ATPAF2: variants seen among roughly 807,000 people sequenced by gnomAD.
The protein encoded by ATPAF2 is ATP12 homolog.
Under a neutral mutation model 36.6 loss-of-function variants are expected in ATPAF2, and 30 were observed. The ratio of observed to expected loss-of-function variants is 0.82; its 90% CI spans 0.61 to 1.11. ATPAF2 has a LOEUF of 1.11. Ranked by LOEUF, ATPAF2 falls within the 50% of genes most tolerant of loss-of-function variation. The pLI is 0.00. For missense variants in ATPAF2, 321 were observed against 372.3 expected (o/e 0.86, Z 1.13); for synonymous variants, 140 against 152.6 (o/e 0.92, Z 0.61).
intron 1 of ATPAF2, among the ~76,000 whole-genome samples, chr17:18,036,783 C>A (rs1220167215): frequency 2.0e-5 from 3 of 152,058 alleles, no homozygotes; most frequent in Admixed American, 6.5e-5. Flanking sequence ...TCTAAATTAA[C>A]CCTTTGTGGT....
intron 7 of ATPAF2, among the ~76,000 whole-genome samples, chr17:18,019,183 A>ACACACACACACACCCCAC (rs1396685458): frequency 4.6e-5 from 7 of 150,710 alleles, no homozygotes; most frequent in African/African-American, 1.5e-4. Context: ...ACACACACAC[A>ACACACACACACACCCCAC]CACCCCACCA....
intron 7 of ATPAF2, 113 bp downstream of exon 7, chr17:18,021,010 T>C (rs2145486615): frequency 6.8e-7 from 1 of 1,481,196 alleles, no homozygotes; most frequent in South Asian, 1.4e-5. Context: ...TGCGTGTACA[T>C]AAAAGTAATA....
chr17:18,024,540 G>A, intron 5 of ATPAF2, 84 bp downstream of exon 5: 2 of 1,187,312 alleles, frequency 1.7e-6, no homozygotes, highest in Admixed American at 3.5e-5. Context: ...AAGGGCACTA[G>A]TTTTCCAGCG....
chr17:18,028,380 T>C lies in ATPAF2; in HGVS notation c.179-3A>G. Reference sequence around the variant, plus strand: ...GTCCAGGTTTATCTCAAAGCCACCTTGAAAGATCAAATGAAAAACTCTCAG... The same window carrying C: ...GTCCAGGTTTATCTCAAAGCCACCTCGAAAGATCAAATGAAAAACTCTCAG... On this transcript the variant is annotated splice_polypyrimidine_tract_variant and splice_region_variant and intron_variant, in intron 2 of 7. Transcript: ENST00000474627. The C allele has an allele frequency of 6.2e-7, 1 of 1,613,900 alleles. No homozygotes were observed. The highest frequency in any genetic ancestry group is 8.5e-7 in the Non-Finnish European group (1 of 1,179,924).
chr17:18,030,513 GAA>G (rs747636000), intron 1 of ATPAF2, among the ~76,000 whole-genome samples: 50 of 77,566 alleles, frequency 6.4e-4, no homozygotes, highest in East Asian at 1.2e-3. Context: ...GTCTCTTGGG[GAA>G]AAAAAAAAAA....
intron 4 of ATPAF2, 187 bp downstream of exon 4, chr17:18,026,132 C>T: frequency 1.5e-6 from 1 of 671,484 alleles, no homozygotes. Context: ...CATGTTCTGA[C>T]ACCATTGTAG....
chr17:18,032,182 C>T (rs1159298911), intron 1 of ATPAF2, among the ~76,000 whole-genome samples: 1 of 152,188 alleles, frequency 6.6e-6, no homozygotes, highest in Non-Finnish European at 1.5e-5. Context: ...TACAAATGTA[C>T]AAGAGTGAGC....
At chr17:18,021,715 T>C (rs200680173) in intron 6 of ATPAF2, 30 bp downstream of exon 6, 12 of 1,599,436 alleles carry the variant, frequency 7.5e-6, no homozygotes, top group South Asian at 1.1e-5. Flanking sequence ...CACAGCCACC[T>C]GCCAAGCCCA....
rs1051343298 is a variant in ATPAF2 at position 18,035,376 on chromosome 17, G to A, written c.133+3505C>T. Among the ~76,000 whole-genome samples the A allele has an allele frequency of 2.6e-5, 4 of 152,362 alleles. No homozygotes were observed. In the East Asian group the frequency reaches 7.7e-4, roughly 29 times the overall value. ...AACAAAGGAAAGTAGTAGTTGCCAA[G>A]GGATGGAAGTAGTAAGGGTGGATGA... On this transcript the variant is annotated intron_variant, in intron 1 of 7. Coordinates refer to ENST00000474627, the MANE Select transcript of ATPAF2 (RefSeq NM_145691.4).
At chr17:18,035,498 T>C (rs1199005356) in intron 1 of ATPAF2, among the ~76,000 whole-genome samples, 1 of 152,228 alleles carries the variant, frequency 6.6e-6, no homozygotes, top group Admixed American at 6.5e-5. Context: ...CTAAAAACTA[T>C]TATATTTACA....
At chr17:18,028,764 T>G in intron 1 of ATPAF2, 105 bp from the exon 2 acceptor site, 1 of 1,054,544 alleles carries the variant, frequency 9.5e-7, no homozygotes, top group Non-Finnish European at 1.5e-6. Flanking sequence ...ATTGATTGGC[T>G]TGATTTTCAT....
At chr17:18,028,570 CAA>C (rs10652393) in intron 2 of ATPAF2, 43 bp downstream of exon 2, 8,668 of 1,324,868 alleles carry the variant, frequency 6.5e-3, no homozygotes, top group Non-Finnish European at 8.0e-3. Flanking sequence ...CAACCATTCA[CAA>C]AAAAAAAAAA....
intron 1 of ATPAF2, among the ~76,000 whole-genome samples, chr17:18,033,989 C>G (rs1009249561): frequency 6.6e-6 from 1 of 152,016 alleles, no homozygotes; most frequent in South Asian, 2.1e-4. Context: ...CATGGTGGCA[C>G]GTGCCTGTAG....
chr17:18,033,137 G>C (rs2044660593), intron 1 of ATPAF2, among the ~76,000 whole-genome samples: 1 of 152,012 alleles, frequency 6.6e-6, no homozygotes, highest in South Asian at 2.1e-4. Flanking sequence ...GTGAGGCCGA[G>C]GGGGACAGAT....
chr17:18,022,042 A>C (rs1383190604), intron 5 of ATPAF2, among the ~76,000 whole-genome samples, 185 bp from the exon 6 acceptor site: 1 of 152,124 alleles, frequency 6.6e-6, no homozygotes, highest in Non-Finnish European at 1.5e-5. Context: ...CTGTCCCTCA[A>C]AAGCAAACTT....
At chr17:18,022,983 C>T (rs1288930621) in intron 5 of ATPAF2, among the ~76,000 whole-genome samples, 6 of 151,778 alleles carry the variant, frequency 4.0e-5, no homozygotes, top group Admixed American at 2.0e-4. Context: ...AAAAATTAGC[C>T]GGGTGTAGAT....
chr17:18,024,498 C>T, intron 5 of ATPAF2, 126 bp downstream of exon 5: 6 of 806,144 alleles, frequency 7.4e-6, no homozygotes, highest in Admixed American at 2.0e-5. Context: ...CCAAATCCCA[C>T]GAGTGCTCTG....
intron 3 of ATPAF2, chr17:18,026,787 A>C: frequency 2.9e-6 from 1 of 350,106 alleles, no homozygotes; most frequent in Middle Eastern, 9.3e-4. Context: ...ACTGAGGCCC[A>C]GACAGGTTAA....
In ATPAF2 at chr17:18,028,367, C is replaced by G; in HGVS notation, c.189G>C (p.Glu63Asp). ...TCAGCTTCCTGTGGTCCAGGTTTAT[C>G]TCAAAGCCACCTTGAAAGATCAAAT... The part of the protein sequence containing the change: ...VSITQGEGGF[E>D]INLDHRKLKT... Residue 63 changes from glutamate (E) to aspartate (D), a missense_variant, in exon 3 of 8, where the codon GAG (glutamate) becomes GAC (aspartate). Coordinates refer to ENST00000474627, the MANE Select transcript of ATPAF2 (RefSeq NM_145691.4). 1 of 1,614,058 alleles carries G rather than the reference C, an allele frequency of 6.2e-7. No individual in the cohort carries two copies. Among genetic ancestry groups the G allele is most frequent in the South Asian group, 1.1e-5 (1 of 91,070 alleles).
Sources: allele counts gnomAD v4.1 joint callset (sites outside exome capture counted in the v4.1 genomes callset), GRCh38; gene constraint gnomAD v4.1.1; transcripts MANE v1.5; gene names NCBI Gene and HGNC (gene_info 2026-07-23, HGNC 2026-07-21).